The following GLDC variants were observed in gnomAD, a reference collection of about 807,000 sequenced individuals.
GLDC encodes glycine dehydrogenase (decarboxylating), mitochondrial.
GLDC carries 104 observed loss-of-function variants against 121.3 expected under a neutral mutation model. The ratio of observed to expected loss-of-function variants is 0.86; its 90% CI spans 0.73 to 1.01. The LOEUF (loss-of-function observed/expected upper bound fraction) is 1.01, where lower values mean the gene tolerates loss of function less well. GLDC is among the 50% of genes least tolerant of loss of function. The pLI, the probability that GLDC is intolerant of heterozygous loss-of-function variation, is 0.00. For missense variants in GLDC, 1,429 were observed against 1,306.6 expected (o/e 1.09, Z -1.44); for synonymous variants, 546 against 480.6 (o/e 1.14, Z -1.78).
intron 19 of GLDC, 52 bp downstream of exon 19, chr9:6,554,617 C>G (rs547442356): frequency 8.1e-7 from 1 of 1,237,670 alleles, no homozygotes; most frequent in Admixed American, 1.8e-5. Context: ...TTTAGGGCCA[C>G]TCCTTCATTC....
At chr9:6,591,414 CAGG>C (rs1156796659) in intron 11 of GLDC, among the ~76,000 whole-genome samples, 5 of 152,086 alleles carry the variant, frequency 3.3e-5, no homozygotes, top group African/African-American at 4.8e-5. Flanking sequence ...CTGTAAGCAC[CAGG>C]AGGACAAGAA....
intron 22 of GLDC, among the ~76,000 whole-genome samples, chr9:6,537,757 G>A (rs1247393109): frequency 5.3e-5 from 8 of 152,036 alleles, no homozygotes; most frequent in African/African-American, 1.4e-4. Context: ...TCCAGCCTGG[G>A]TGACAGAGTA....
intron 20 of GLDC, among the ~76,000 whole-genome samples, chr9:6,552,889 C>A (rs1817544001): frequency 1.3e-5 from 2 of 152,004 alleles, no homozygotes; most frequent in African/African-American, 4.8e-5. Flanking sequence ...GGGGAAAAAC[C>A]AGAGAAGCAA....
rs1162750818 is a variant in GLDC, at chr9:6,626,842, C to A, written c.335-6523G>T. 2.6e-5 allele frequency among the ~76,000 whole-genome samples: 4 copies of A among 152,170 alleles called. No individual in the cohort carries two copies. The East Asian group carries it at 7.7e-4, about 29-fold the overall frequency. On this transcript the variant is annotated intron_variant, in intron 2 of 24. Transcript: ENST00000321612. ...CTCAGGCACTGGTCATGCCCTGCCC[C>A]ATGTCCTCAAACAGTAAGGAAGAGA...
At chr9:6,639,667 A>ATATATATATATATATATATATAT (rs1161670967) in intron 2 of GLDC, 1 of 322,154 alleles carries the variant, frequency 3.1e-6, no homozygotes, top group East Asian at 8.2e-5. Context: ...CATAAAAAAA[A>ATATATATATATATATATATATAT]AGTATATATA....
Position 6,606,619 on chromosome 9 carries a change from G to T in GLDC, c.686C>A (p.Thr229Lys). Reference protein sequence around the residue: ...FLVDPRCHPQTIAVVQTRAKY... With the variant: ...FLVDPRCHPQKIAVVQTRAKY... The stretch of plus-strand genomic sequence containing the variant: ...GGCTCGAGTCTGGACAACAGCTATT[G>T]TCTGTGGGTGGCAACGGGGATCAAC... The change falls in exon 5 of 25, where the codon ACA becomes AAA. Residue 229 changes from threonine (T) to lysine (K), a missense_variant. Transcript: ENST00000321612. 2 of 1,607,764 alleles carry T rather than the reference G, an allele frequency of 1.2e-6. No individual in the cohort carries two copies. Among genetic ancestry groups the T allele is most frequent in the Non-Finnish European group, 1.7e-6 (2 of 1,174,356 alleles).
intron 22 of GLDC, among the ~76,000 whole-genome samples, chr9:6,539,741 G>A (rs1418966776): frequency 6.6e-6 from 1 of 152,154 alleles, no homozygotes; most frequent in East Asian, 1.9e-4. Context: ...CTACCACTTC[G>A]ATGGGTTACT....
At chr9:6,535,108 T>A (rs1193620363) in intron 23 of GLDC, among the ~76,000 whole-genome samples, 10 of 152,286 alleles carry the variant, frequency 6.6e-5, no homozygotes, top group Admixed American at 6.5e-4. Context: ...CTCTTCTGAA[T>A]TCGGTGTTTA....
chr9:6,560,661 T>C (rs1817736222), intron 16 of GLDC, among the ~76,000 whole-genome samples: 1 of 152,164 alleles, frequency 6.6e-6, no homozygotes, highest in South Asian at 2.1e-4. Flanking sequence ...AAAATATTCA[T>C]AGAAAGCCAA....
chr9:6,597,446 C>T (rs1023598703), intron 8 of GLDC, among the ~76,000 whole-genome samples: 13 of 152,250 alleles, frequency 8.5e-5, no homozygotes, highest in Non-Finnish European at 1.6e-4. Flanking sequence ...GAAAAGCCAA[C>T]AAGGCTGGAT....
chr9:6,610,417 G>C, intron 3 of GLDC, 61 bp from the exon 4 acceptor site: 1 of 1,541,762 alleles, frequency 6.5e-7, no homozygotes, highest in Non-Finnish European at 9.0e-7. Flanking sequence ...CACACAAAAT[G>C]CTATCATTTC....
chr9:6,533,750 T>C (rs1049673461), intron 24 of GLDC, among the ~76,000 whole-genome samples: 4 of 151,346 alleles, frequency 2.6e-5, no homozygotes, highest in Admixed American at 2.6e-4. Context: ...CCCAGTTACT[T>C]GGGAGGCTAA....
chr9:6,546,964 A>T (rs1242367622), intron 21 of GLDC, among the ~76,000 whole-genome samples: 7 of 151,330 alleles, frequency 4.6e-5, no homozygotes, highest in East Asian at 1.9e-4. Flanking sequence ...TCTGTCTCAA[A>T]AATAATAATA....
rs73396331 is a variant in GLDC, at chr9:6,551,911, T to C, written c.2458-997A>G. The stretch of plus-strand genomic sequence containing the variant: ...CCACTGGCTCTCAACCTATGTCTCA[T>C]GGGGGGATTTTTTAAAAATGCAGAC... On this transcript the variant is annotated intron_variant, in intron 20 of 24. Coordinates refer to ENST00000321612, the MANE Select transcript of GLDC (RefSeq NM_000170.3). Among the ~76,000 whole-genome samples, 665 of 152,238 alleles carry C rather than the reference T, an allele frequency of 4.4e-3. 9 individuals are homozygous for C. Among genetic ancestry groups the C allele is most frequent in the African/African-American group, 0.015 (643 of 41,546 alleles).
chr9:6,605,987 A>C (rs1317457553), intron 5 of GLDC: 2 of 159,184 alleles, frequency 1.3e-5, no homozygotes, highest in Non-Finnish European at 2.8e-5. Context: ...CCTGATCAAA[A>C]CAATATTTTT....
At chr9:6,551,978 T>C (rs1410437025) in intron 20 of GLDC, among the ~76,000 whole-genome samples, 1 of 152,172 alleles carries the variant, frequency 6.6e-6, no homozygotes, top group African/African-American at 2.4e-5. Flanking sequence ...TGGTTCTCCT[T>C]GGAATGGGGC....
At chr9:6,639,865 A>G (rs542131921) in intron 2 of GLDC, among the ~76,000 whole-genome samples, 4 of 152,220 alleles carry the variant, frequency 2.6e-5, no homozygotes, top group African/African-American at 9.6e-5. Flanking sequence ...CCAGATTGCT[A>G]TCTCTAGTGA....
At chr9:6,614,999 T>C (rs533268963) in intron 3 of GLDC, among the ~76,000 whole-genome samples, 1 of 152,308 alleles carries the variant, frequency 6.6e-6, no homozygotes, top group South Asian at 2.1e-4. Flanking sequence ...ACCACTGTCA[T>C]ATACACAATC....
chr9:6,600,686 AAAG>A (rs1320520251), intron 8 of GLDC, among the ~76,000 whole-genome samples: 28 of 151,824 alleles, frequency 1.8e-4, no homozygotes, highest in Admixed American at 9.2e-4. Context: ...GAAGAAAAAA[AAAG>A]AAGAAGAAAA....
Sources: gnomAD v4.1 joint callset for allele counts (sites outside exome capture counted in the v4.1 genomes callset) on GRCh38, gnomAD v4.1.1 for gene constraint, MANE v1.5 for transcripts, NCBI Gene and HGNC (gene_info 2026-07-23, HGNC 2026-07-21) for gene names.